Variants in FHIT observed in about 807,000 individuals in gnomAD.
FHIT encodes fragile histidine triad diadenosine triphosphatase.
Under a neutral mutation model 17.9 loss-of-function variants are expected in FHIT, and 19 were observed. That is an observed-to-expected ratio of 1.06 (90% CI 0.74 to 1.56). The LOEUF (loss-of-function observed/expected upper bound fraction) is 1.56, where lower values mean the gene tolerates loss of function less well. Among genes scored for constraint, FHIT ranks in the 40% most tolerant of loss-of-function variants. The probability of loss-of-function intolerance (pLI) is 0.00; values close to 1 mark genes in which losing one functional copy is unlikely to be tolerated. For missense variants in FHIT, 248 were observed against 189.2 expected, an observed-to-expected ratio of 1.31 and a Z score of -1.82; for synonymous variants, 81 against 69.7, an observed-to-expected ratio of 1.16 and a Z score of -0.81.
chr3:59,983,687 T>G (rs1708756773), intron 7 of FHIT, among the ~76,000 whole-genome samples: 1 of 152,126 alleles, frequency 6.6e-6, no homozygotes, highest in South Asian at 2.1e-4. Context: ...GTTGGCTTCA[T>G]TCTCTCAGAA....
At chr3:61,087,312 T>C (rs901977093) in intron 2 of FHIT, among the ~76,000 whole-genome samples, 5 of 152,122 alleles carry the variant, frequency 3.3e-5, no homozygotes, top group South Asian at 2.1e-4. Flanking sequence ...ACTAAGAATA[T>C]GTAACACCTT....
intron 4 of FHIT, among the ~76,000 whole-genome samples, chr3:60,688,860 T>C (rs2040921217): frequency 1.3e-5 from 2 of 152,346 alleles, no homozygotes; most frequent in Admixed American, 1.3e-4. Context: ...TTACTCTTTT[T>C]TCTTTGTTTT....
chr3:60,912,597 T>C (rs933128380), intron 3 of FHIT, among the ~76,000 whole-genome samples: 4 of 152,148 alleles, frequency 2.6e-5, no homozygotes, highest in African/African-American at 7.2e-5. Context: ...AAACAGGATA[T>C]AGATTTATAA....
chr3:61,085,869 G>T (rs1222148294), intron 2 of FHIT, among the ~76,000 whole-genome samples: 2 of 152,016 alleles, frequency 1.3e-5, no homozygotes, highest in African/African-American at 4.8e-5. Context: ...AAAACAATTT[G>T]TTCATAGTTT....
At chr3:61,048,872 A>T (rs1044799176) in intron 2 of FHIT, among the ~76,000 whole-genome samples, 3 of 152,126 alleles carry the variant, frequency 2.0e-5, no homozygotes. Context: ...AACTATCACA[A>T]GGACAGAAAA....
chr3:60,136,048 A>T (rs1318154824), intron 5 of FHIT, among the ~76,000 whole-genome samples: 1 of 152,166 alleles, frequency 6.6e-6, no homozygotes, highest in Non-Finnish European at 1.5e-5. Context: ...ACTAAACTGT[A>T]AACTCCATGA....
intron 5 of FHIT, among the ~76,000 whole-genome samples, chr3:60,241,795 T>C (rs1705142094): frequency 6.6e-6 from 1 of 152,140 alleles, no homozygotes; most frequent in Admixed American, 6.6e-5. Context: ...TTTTTAATTT[T>C]ACTCTAAGAC....
intron 3 of FHIT, among the ~76,000 whole-genome samples, chr3:60,833,467 T>C (rs1367826772): frequency 6.6e-6 from 1 of 152,200 alleles, no homozygotes; most frequent in Admixed American, 6.5e-5. Flanking sequence ...ACCGTTTCTC[T>C]CCCCTTTTAA....
chr3:60,211,693 T>G (rs918857257), intron 5 of FHIT, among the ~76,000 whole-genome samples: 15 of 152,162 alleles, frequency 9.9e-5, no homozygotes, highest in African/African-American at 3.6e-4. Context: ...ATCAAAGAAT[T>G]ATGATGGTAT....
chr3:60,581,126 T>TCACTCGCA (rs2037736312), intron 4 of FHIT, among the ~76,000 whole-genome samples: 2 of 152,134 alleles, frequency 1.3e-5, no homozygotes, highest in Admixed American at 1.3e-4. Context: ...TCTCTCTTGC[T>TCACTCGCA]CACTCGCACA....
chr3:60,867,905 C>A (rs1704234851), intron 3 of FHIT, among the ~76,000 whole-genome samples: 4 of 152,082 alleles, frequency 2.6e-5, no homozygotes. Flanking sequence ...TCATTTGTTA[C>A]TGCAGCATAA....
At chr3:60,226,408 G>T (rs1364497628) in intron 5 of FHIT, among the ~76,000 whole-genome samples, 2 of 146,050 alleles carry the variant, frequency 1.4e-5, no homozygotes, top group Non-Finnish European at 3.0e-5. Flanking sequence ...GGAGGCGGAG[G>T]TTGCGGTGAG....
At chr3:61,072,611 A>C (rs2106744685) in intron 2 of FHIT, among the ~76,000 whole-genome samples, 1 of 152,284 alleles carries the variant, frequency 6.6e-6, no homozygotes, top group East Asian at 1.9e-4. Flanking sequence ...GAGGGGAGAA[A>C]TAAAAGACAG....
intron 5 of FHIT, among the ~76,000 whole-genome samples, chr3:60,390,396 T>TGAAAAAAAA (rs1701174274): frequency 6.2e-5 from 2 of 32,030 alleles, no homozygotes; most frequent in African/African-American, 2.4e-4. Context: ...GTAATGGAGC[T>TGAAAAAAAA]AAAAAAAAAA....
intron 5 of FHIT, among the ~76,000 whole-genome samples, chr3:60,142,484 A>T (rs770131208): frequency 4.8e-4 from 73 of 151,892 alleles, no homozygotes; most frequent in Non-Finnish European, 9.4e-4. Flanking sequence ...CAGGCTATTT[A>T]TTTTTTAATT....
chr3:60,602,574 C>T (rs1254899968), intron 4 of FHIT, among the ~76,000 whole-genome samples: 1 of 151,980 alleles, frequency 6.6e-6, no homozygotes, highest in Non-Finnish European at 1.5e-5. Flanking sequence ...AAGAAACAAT[C>T]CTGGCATCTA....
intron 4 of FHIT, among the ~76,000 whole-genome samples, chr3:60,745,360 T>G (rs1379249079): frequency 6.6e-6 from 1 of 152,088 alleles, no homozygotes; most frequent in East Asian, 1.9e-4. Flanking sequence ...ACATAAGGAC[T>G]GAATAAAGAC....
At chr3:60,288,238 G>C (rs143438048) in intron 5 of FHIT, among the ~76,000 whole-genome samples, 2 of 152,256 alleles carry the variant, frequency 1.3e-5, no homozygotes, top group African/African-American at 4.8e-5. Context: ...AAATGAGTAA[G>C]ATTTTATGAC....
intron 4 of FHIT, among the ~76,000 whole-genome samples, chr3:60,701,698 T>G (rs2041251678): frequency 6.6e-6 from 1 of 152,134 alleles, no homozygotes; most frequent in Non-Finnish European, 1.5e-5. Context: ...GTGGAGCGAT[T>G]TGGGAGGTTT....
Sources: allele counts gnomAD v4.1 joint callset (sites outside exome capture counted in the v4.1 genomes callset), GRCh38; gene constraint gnomAD v4.1.1; transcripts MANE v1.5; gene names NCBI Gene and HGNC (gene_info 2026-07-23, HGNC 2026-07-21).